The following LUZP1 variants were observed in gnomAD, a reference collection of about 807,000 sequenced individuals.
LUZP1 encodes the protein filamin mechanobinding actin cross-linking protein.
Under a neutral mutation model 71.3 loss-of-function variants are expected in LUZP1, and 25 were observed. The ratio of observed to expected loss-of-function variants is 0.35; its 90% confidence interval spans 0.26 to 0.49. The LOEUF is 0.49. Among genes scored for constraint, LUZP1 ranks in the 20% least tolerant of loss-of-function variants. The pLI, the probability that LUZP1 is intolerant of heterozygous loss-of-function variation, is 0.99. For missense variants in LUZP1, 1,142 were observed against 1,300.8 expected (o/e 0.88, Z 1.88); for synonymous variants, 481 against 506.4 (o/e 0.95, Z 0.67).
intron 2 of LUZP1, among the ~76,000 whole-genome samples, chr1:23,110,996 T>TC (rs1321266417): frequency 6.6e-6 from 1 of 151,184 alleles, no homozygotes; most frequent in African/African-American, 2.4e-5. Flanking sequence ...GGTCAGGAGT[T>TC]CAAGACAACC....
intron 3 of LUZP1, among the ~76,000 whole-genome samples, chr1:23,103,037 T>A (rs2124622489): frequency 6.6e-6 from 1 of 151,844 alleles, no homozygotes; most frequent in South Asian, 2.1e-4. Context: ...CCTCAAGCAA[T>A]CCTCCCACCT....
intron 2 of LUZP1, among the ~76,000 whole-genome samples, chr1:23,110,472 T>TC (rs1462423807): frequency 6.6e-6 from 1 of 152,116 alleles, no homozygotes; most frequent in East Asian, 1.9e-4. Flanking sequence ...CAAACTATCC[T>TC]CCCTTCTTTC....
At chr1:23,135,601 G>C (rs1190111777) in intron 2 of LUZP1, among the ~76,000 whole-genome samples, 2 of 152,198 alleles carry the variant, frequency 1.3e-5, no homozygotes, top group African/African-American at 4.8e-5. Flanking sequence ...AGCAACCAGA[G>C]AGAACACGGG....
intron 2 of LUZP1, chr1:23,162,657 A>G (rs2148208355): frequency 6.6e-6 from 1 of 152,070 alleles, no homozygotes; most frequent in East Asian, 1.9e-4. Flanking sequence ...CCCAGCCCAT[A>G]ATACATTTTT....
chr1:23,113,841 C>T (rs1644055488), intron 2 of LUZP1, among the ~76,000 whole-genome samples: 1 of 150,536 alleles, frequency 6.6e-6, no homozygotes, highest in Non-Finnish European at 1.5e-5. Flanking sequence ...GATTCAGCTA[C>T]TGCACTCCAG....
In LUZP1 at chr1:23,122,356, G is replaced by A. The variant is rs1180244642; in HGVS notation, c.-225-13229C>T. On this transcript the variant is annotated intron_variant, in intron 2 of 4. Transcript: ENST00000302291. ...AAGTCATACTTAGGGTACCACAAGTGAACACTCTGGATTCAAGCACCACAT... is the reference window on the plus strand; with the variant it reads ...AAGTCATACTTAGGGTACCACAAGTAAACACTCTGGATTCAAGCACCACAT... Among the ~76,000 whole-genome samples, 5 of 152,314 alleles carry A rather than the reference G, an allele frequency of 3.3e-5. No individual in the cohort carries two copies. The East Asian group carries it at 9.6e-4, about 29-fold the overall frequency.
exon 5 of LUZP1, chr1:23,084,501 C>T (rs1028634209): frequency 6.6e-6 from 1 of 152,054 alleles, no homozygotes; most frequent in Non-Finnish European, 1.5e-5. Flanking sequence ...CTGCCTCATC[C>T]CAGCATCCTT....
At position 23,091,033 on chromosome 1, in the gene LUZP1, C is replaced by T. The variant is rs1403630036; in HGVS notation, c.3072+157G>A. 3.6e-6 allele frequency: 3 copies of T among 834,084 alleles called. No homozygotes were observed. The African/African-American group carries it at 5.1e-5, about 14-fold the overall frequency. 51.7% of individuals were successfully genotyped at this position (834,084 alleles called of 1,614,324 possible). A position where few individuals can be genotyped will look rare whatever the true frequency, so the allele number is the denominator to read the frequency against. On this transcript the variant is annotated intron_variant, in intron 4 of 4. Transcript: ENST00000302291. ...CAAAAACCTTCTTTAGGAGAAAGGT[C>T]AAACCCCCCTGATTTTTCAACAGTT...
chr1:23,141,838 C>T (rs913657237), intron 2 of LUZP1, among the ~76,000 whole-genome samples: 1 of 146,010 alleles, frequency 6.8e-6, no homozygotes. Flanking sequence ...CACCACAATG[C>T]CCAGCTAATT....
At chr1:23,148,243 G>A (rs1260758185) in intron 2 of LUZP1, among the ~76,000 whole-genome samples, 1 of 152,090 alleles carries the variant, frequency 6.6e-6, no homozygotes, top group Non-Finnish European at 1.5e-5. Flanking sequence ...TCTCTGGGCT[G>A]AATAATTCCA....
intron 1 of LUZP1, among the ~76,000 whole-genome samples, chr1:23,170,506 G>A (rs1223764751): frequency 6.4e-5 from 8 of 124,542 alleles, no homozygotes; most frequent in Admixed American, 1.0e-4. Context: ...CTCTCTTGTC[G>A]CCCAGGCTGG....
At chr1:23,103,055 C>T (rs957609480) in intron 3 of LUZP1, among the ~76,000 whole-genome samples, 5 of 151,966 alleles carry the variant, frequency 3.3e-5, no homozygotes, top group Non-Finnish European at 5.9e-5. Context: ...CCTTAAGTCT[C>T]CCAAGCAGCT....
intron 2 of LUZP1, among the ~76,000 whole-genome samples, chr1:23,142,993 A>C (rs1025256519): frequency 1.3e-5 from 2 of 151,504 alleles, no homozygotes; most frequent in African/African-American, 4.9e-5. Context: ...ACATGGTAAG[A>C]CTTCGTCTCT....
chr1:23,096,763 A>G (rs1330816743), intron 3 of LUZP1, among the ~76,000 whole-genome samples: 2 of 152,146 alleles, frequency 1.3e-5, no homozygotes, highest in African/African-American at 4.8e-5. Context: ...ACTTGAGGTC[A>G]GGAGTTCAAG....
In LUZP1 at chr1:23,091,245, C is replaced by T. The variant is rs146756895; in HGVS notation, c.3017G>A (p.Arg1006Gln). The change falls in exon 4 of 5, where the codon CGG (arginine) becomes CAG (glutamine). Residue 1006 changes from arginine (R) to glutamine (Q), a missense_variant. Coordinates refer to ENST00000302291, the Ensembl canonical transcript of LUZP1. ...AGTGATGGTGTCTCCTACCCGATTC[C>T]GACGGGTAAGCACCTCTGACACAGT... 56 of 1,613,758 alleles carry T rather than the reference C, an allele frequency of 3.5e-5. No homozygotes were observed. The African/African-American group carries it at 4.9e-4, about 14-fold the overall frequency.
At chr1:23,102,217 C>G (rs762358708) in intron 3 of LUZP1, among the ~76,000 whole-genome samples, 2 of 152,166 alleles carry the variant, frequency 1.3e-5, no homozygotes, top group African/African-American at 4.8e-5. Flanking sequence ...TACATTAGTA[C>G]CTGGCTCAGT....
chr1:23,159,982 G>A (rs967634688), intron 2 of LUZP1, among the ~76,000 whole-genome samples: 16 of 152,040 alleles, frequency 1.1e-4, no homozygotes, highest in Admixed American at 8.5e-4. Flanking sequence ...GTAAAATTCC[G>A]TCTCAAAAAA....
exon 2 of LUZP1, chr1:23,168,822 G>C (rs960297237): frequency 2.0e-5 from 3 of 152,864 alleles, no homozygotes; most frequent in Non-Finnish European, 4.4e-5. Flanking sequence ...TCAGCTGCCA[G>C]CGACCGGCGC....
Position 23,093,365 on chromosome 1 carries a change from C to CT in LUZP1, c.896dup (p.Thr300AspfsTer7). The CT allele has an allele frequency of 6.2e-7, 1 of 1,613,496 alleles. No individual in the cohort carries two copies. The highest frequency in any genetic ancestry group is 8.5e-7 in the Non-Finnish European group (1 of 1,179,892). Reference sequence around the variant, plus strand: ...ACGATTCAAAGTGTTTGATTTGTGTCTTAAGTTTCTCAATCTCTTGGTTAA... The same window carrying CT: ...ACGATTCAAAGTGTTTGATTTGTGTCTTTAAGTTTCTCAATCTCTTGGTTAA... On this transcript the variant is annotated frameshift_variant, in exon 4 of 5. Transcript: ENST00000302291. LOFTEE classifies it high-confidence loss of function. This position sits in a 1 kb window ranked among gnomAD's most constrained non-coding sequence, Gnocchi z 4.2.
Sources: allele counts gnomAD v4.1 joint callset (sites outside exome capture counted in the v4.1 genomes callset), GRCh38; gene constraint gnomAD v4.1.1; non-coding constraint Gnocchi (gnomAD v3.1); transcripts MANE v1.5; gene names NCBI Gene and HGNC (gene_info 2026-07-23, HGNC 2026-07-21).